SNX6: variants seen among roughly 807,000 people sequenced by gnomAD.
SNX6 encodes the protein sorting nexin-6.
Under a neutral mutation model 63.0 loss-of-function variants are expected in SNX6, and 34 were observed. That is an observed-to-expected ratio of 0.54 (90% CI 0.41 to 0.72). The LOEUF (loss-of-function observed/expected upper bound fraction) is 0.72. Among genes scored for constraint, SNX6 ranks in the 30% least tolerant of loss-of-function variants. SNX6 has a pLI of 0.00. For synonymous variants in SNX6, 170 were observed against 164.2 expected (o/e 1.04, Z -0.27); for missense variants, 398 against 471.4 (o/e 0.84, Z 1.44).
intron 2 of SNX6, among the ~76,000 whole-genome samples, chr14:34,619,197 G>A (rs1032232666): frequency 1.3e-5 from 2 of 152,274 alleles, no homozygotes; most frequent in East Asian, 3.9e-4. Context: ...GCCAAGGTGG[G>A]CAGATCACAA....
intron 2 of SNX6, among the ~76,000 whole-genome samples, chr14:34,612,552 A>C (rs1323858221): frequency 6.7e-6 from 1 of 149,660 alleles, no homozygotes; most frequent in Non-Finnish European, 1.5e-5. Flanking sequence ...TCCTGCCTCA[A>C]CCTCCCGAGT....
intron 9 of SNX6, among the ~76,000 whole-genome samples, chr14:34,583,777 G>C (rs767533078): frequency 1.3e-5 from 2 of 151,460 alleles, no homozygotes; most frequent in African/African-American, 4.9e-5. Context: ...ACAGATTTAC[G>C]TTAGAGAACA....
chr14:34,629,756 G>C, intron 2 of SNX6, 151 bp downstream of exon 2: 1 of 1,256,088 alleles, frequency 8.0e-7, no homozygotes, highest in South Asian at 1.4e-5. Context: ...GGCTGCGGGA[G>C]GGTGGGGCGC....
chr14:34,600,130 CTTTTCTCTT>C (rs1882752945), intron 6 of SNX6, among the ~76,000 whole-genome samples: 2 of 152,100 alleles, frequency 1.3e-5, no homozygotes, highest in South Asian at 2.1e-4. Context: ...ATTTTAGTTT[CTTTTCTCTT>C]TTTTCTCTTT....
At chr14:34,605,092 A>T (rs1302891381) in intron 5 of SNX6, among the ~76,000 whole-genome samples, 4 of 152,350 alleles carry the variant, frequency 2.6e-5, no homozygotes, top group African/African-American at 4.8e-5. Flanking sequence ...GATAATTCAC[A>T]CTACATACAT....
At position 34,580,566 on chromosome 14, in the gene SNX6, T is replaced by C. The variant is rs146661992; in HGVS notation, c.834+995A>G. On this transcript the variant is annotated intron_variant, in intron 10 of 13. Transcript: ENST00000362031. ...TCCTCCCACCTCACCCTTCAATGTATGGCATTATGGGCGTGACCCACCTGG... is the reference window on the plus strand; with the variant it reads ...TCCTCCCACCTCACCCTTCAATGTACGGCATTATGGGCGTGACCCACCTGG... 2.3e-4 allele frequency among the ~76,000 whole-genome samples: 35 copies of C among 152,306 alleles called. No homozygotes were observed. In the East Asian group the frequency reaches 6.8e-3, roughly 29 times the overall value.
chr14:34,569,150 C>T (rs559189583), intron 11 of SNX6: 19 of 790,326 alleles, frequency 2.4e-5, no homozygotes, highest in Middle Eastern at 3.6e-4. Flanking sequence ...GGCCTGTGCA[C>T]TGCCAGCCAG....
chr14:34,582,189 C>A (rs138247365), intron 9 of SNX6, among the ~76,000 whole-genome samples: 1 of 145,850 alleles, frequency 6.9e-6, no homozygotes, highest in South Asian at 2.1e-4. Context: ...CAGAGTGCAG[C>A]GGTGCAACCT....
rs960462452 is a variant in SNX6 at position 34,567,750 on chromosome 14, C to G, written c.1103G>C (p.Arg368Thr). 11 of 1,613,622 alleles carry G rather than the reference C, an allele frequency of 6.8e-6. No homozygotes were observed. The highest frequency in any genetic ancestry group is 2.7e-5 in the African/African-American group (2 of 74,898). Residue 368 changes from arginine (R) to threonine (T), a missense_variant, in exon 13 of 14, where the codon AGA becomes ACA. Arg to Thr is a moderately conservative substitution (Grantham distance 71). Transcript: ENST00000362031. ...ATTTTTTCTGAATGCAGCAACTCTT[C>G]TTGTCTTAAAATCTATAAGTTCTGT... ...AKQELIDFKT[R>T]RVAAFRKNLV...
intron 11 of SNX6, among the ~76,000 whole-genome samples, chr14:34,575,172 C>T (rs1294676875): frequency 6.8e-6 from 1 of 146,034 alleles, no homozygotes. Flanking sequence ...TAATTAGAGG[C>T]ATGAGCCACC....
intron 2 of SNX6, among the ~76,000 whole-genome samples, chr14:34,616,751 G>A (rs1197695990): frequency 6.6e-6 from 1 of 152,074 alleles, no homozygotes; most frequent in African/African-American, 2.4e-5. Context: ...ATTAAGGACC[G>A]GAGTCAAGCA....
intron 2 of SNX6, among the ~76,000 whole-genome samples, chr14:34,611,311 T>C (rs573656524): frequency 8.8e-4 from 134 of 152,182 alleles, no homozygotes; most frequent in Non-Finnish European, 1.6e-3. Context: ...ACCCCATCTC[T>C]ACAAAAAATA....
intron 13 of SNX6, among the ~76,000 whole-genome samples, chr14:34,567,189 A>G (rs930464064): frequency 6.6e-6 from 1 of 150,984 alleles, no homozygotes; most frequent in Non-Finnish European, 1.5e-5. Context: ...AAAACAAAAC[A>G]AAAAAGCCCC....
Position 34,590,146 on chromosome 14 carries a change from G to A in SNX6, c.718+2899C>T, listed in dbSNP as rs566549674. Among the ~76,000 whole-genome samples the A allele has an allele frequency of 5.3e-5, 8 of 151,748 alleles. No homozygotes were observed. In the East Asian group the frequency reaches 1.4e-3, roughly 26 times the overall value. On this transcript the variant is annotated intron_variant, in intron 8 of 13. Coordinates refer to ENST00000362031, the MANE Select transcript of SNX6 (RefSeq NM_152233.4). ...AACAACAACAACAAGAATAAAGCTG[G>A]GGCCAGGAGCAGTGGCTCATGCCTG...
intron 2 of SNX6, among the ~76,000 whole-genome samples, chr14:34,629,124 C>G (rs1459398769): frequency 1.4e-5 from 2 of 137,978 alleles, no homozygotes; most frequent in Admixed American, 1.6e-4. Context: ...TTGCTTAGAT[C>G]TCAAATGTTC....
intron 11 of SNX6, among the ~76,000 whole-genome samples, chr14:34,573,140 C>T (rs1340189002): frequency 1.3e-5 from 2 of 152,090 alleles, no homozygotes; most frequent in African/African-American, 4.8e-5. Flanking sequence ...CATGGCCTAG[C>T]TAATTTTCAA....
chr14:34,627,662 G>A (rs1883882092), intron 2 of SNX6, among the ~76,000 whole-genome samples: 1 of 152,024 alleles, frequency 6.6e-6, no homozygotes, highest in Non-Finnish European at 1.5e-5. Flanking sequence ...GCTAATTTTT[G>A]TATTTTTAGT....
intron 9 of SNX6, among the ~76,000 whole-genome samples, chr14:34,585,914 A>AT (rs1307551414): frequency 1.4e-5 from 2 of 141,884 alleles, no homozygotes; most frequent in South Asian, 2.2e-4. Context: ...TTATTTATTT[A>AT]TTTTTTTTGA....
chr14:34,625,429 G>A (rs537978660), intron 2 of SNX6, among the ~76,000 whole-genome samples: 1 of 152,224 alleles, frequency 6.6e-6, no homozygotes, highest in Admixed American at 6.6e-5. Context: ...CTCCTTGGGT[G>A]CTGGTCAAAA....
Sources: gnomAD v4.1 joint callset for allele counts (sites outside exome capture counted in the v4.1 genomes callset) on GRCh38, gnomAD v4.1.1 for gene constraint, MANE v1.5 for transcripts, NCBI Gene and HGNC (gene_info 2026-07-23, HGNC 2026-07-21) for gene names.